Variants in IPO11 observed in about 807,000 individuals in gnomAD.
IPO11 encodes the protein importin 11, also known as importin-11.
A neutral mutation model predicts 143.2 loss-of-function variants in IPO11; 66 were observed. The ratio of observed to expected loss-of-function variants is 0.46; its 90% CI spans 0.38 to 0.57. IPO11 has a LOEUF of 0.57. Ranked by LOEUF, IPO11 falls within the 20% of genes least tolerant of loss-of-function variation. The pLI, the probability that IPO11 is intolerant of heterozygous loss-of-function variation, is 0.00. For missense variants in IPO11, 1,026 were observed against 1,141.0 expected (o/e 0.90, Z 1.45); for synonymous variants, 385 against 377.8 (o/e 1.02, Z -0.22).
intron 1 of IPO11, among the ~76,000 whole-genome samples, chr5:62,427,648 A>G (rs914093263): frequency 6.6e-6 from 1 of 152,220 alleles, no homozygotes; most frequent in Non-Finnish European, 1.5e-5. Flanking sequence ...GCACATGCAA[A>G]GGATCTAGGT....
intron 1 of IPO11, among the ~76,000 whole-genome samples, chr5:62,432,968 A>C (rs1744044289): frequency 6.6e-6 from 1 of 152,176 alleles, no homozygotes; most frequent in South Asian, 2.1e-4. Context: ...ATTAGCAAGT[A>C]ATCTGTGGAG....
intron 5 of IPO11, among the ~76,000 whole-genome samples, chr5:62,456,056 T>A (rs907255211): frequency 6.6e-6 from 1 of 151,592 alleles, no homozygotes; most frequent in African/African-American, 2.4e-5. Flanking sequence ...TGAGAAGGGG[T>A]CTCGCTTTGT....
chr5:62,561,617 A>G (rs957211337), intron 27 of IPO11, among the ~76,000 whole-genome samples: 1 of 152,180 alleles, frequency 6.6e-6, no homozygotes, highest in African/African-American at 2.4e-5. Flanking sequence ...AGCACTTCAT[A>G]AAGTATGTTA....
intron 21 of IPO11, chr5:62,526,686 T>C (rs1169075385): frequency 1.2e-5 from 2 of 160,088 alleles, no homozygotes; most frequent in East Asian, 1.8e-4. Flanking sequence ...CTGAGTAAAT[T>C]AGTAGTATGC....
At chr5:62,536,927 CA>C in intron 23 of IPO11, 146 bp downstream of exon 23, 1 of 1,004,386 alleles carries the variant, frequency 1.0e-6, no homozygotes, top group Non-Finnish European at 1.4e-6. Context: ...TTTCCCATTG[CA>C]GGGCAGATGT....
chr5:62,586,768 A>AAAAAT (rs1554057003), intron 27 of IPO11, among the ~76,000 whole-genome samples: 1 of 28,918 alleles, frequency 3.5e-5, no homozygotes, highest in African/African-American at 1.3e-4. Flanking sequence ...AAAAAAAAAA[A>AAAAAT]ATATATATAT....
At chr5:62,481,802 A>G (rs902001265) in intron 9 of IPO11, among the ~76,000 whole-genome samples, 3 of 152,210 alleles carry the variant, frequency 2.0e-5, no homozygotes, top group South Asian at 2.1e-4. Context: ...TGCTGGCCTC[A>G]TAAAAGGATT....
intron 24 of IPO11, among the ~76,000 whole-genome samples, chr5:62,541,839 G>A (rs1439785739): frequency 1.3e-5 from 2 of 151,850 alleles, no homozygotes; most frequent in African/African-American, 2.4e-5. Context: ...TTTTTGTAAC[G>A]TTTAATATGT....
chr5:62,568,096 G>A (rs1182390728), intron 27 of IPO11, among the ~76,000 whole-genome samples: 1 of 151,758 alleles, frequency 6.6e-6, no homozygotes, highest in East Asian at 2.0e-4. Flanking sequence ...CTCCCAGTTA[G>A]CTGGGACTAC....
chr5:62,566,234 C>G (rs1743934660), intron 27 of IPO11, among the ~76,000 whole-genome samples: 1 of 152,168 alleles, frequency 6.6e-6, no homozygotes, highest in African/African-American at 2.4e-5. Flanking sequence ...AACTAATTTA[C>G]ATTCTCACCA....
chr5:62,505,067 T>C (rs529453829), intron 18 of IPO11, among the ~76,000 whole-genome samples, 169 bp downstream of exon 18: 13 of 152,298 alleles, frequency 8.5e-5, no homozygotes, highest in Admixed American at 8.5e-4. Flanking sequence ...TAAACTGTTT[T>C]GGTAACTTTT....
Position 62,481,770 on chromosome 5 carries a change from C to T in IPO11, c.829-1331C>T, listed in dbSNP as rs144186542. On this transcript the variant is annotated intron_variant, in intron 9 of 29. Coordinates refer to ENST00000325324, the MANE Select transcript of IPO11 (RefSeq NM_016338.5). ...GGTCTCTTTTTTTGTTGTATCTCTG[C>T]GAGGCTTTGGTATCAGGATGATGCT... 4.4e-3 allele frequency among the ~76,000 whole-genome samples: 666 copies of T among 152,190 alleles called. 6 individuals carry two copies. Among genetic ancestry groups the T allele is most frequent in the African/African-American group, 0.015 (642 of 41,490 alleles).
At chr5:62,515,137 T>C (rs183871669) in intron 19 of IPO11, among the ~76,000 whole-genome samples, 32 of 152,332 alleles carry the variant, frequency 2.1e-4, no homozygotes, top group African/African-American at 7.5e-4. Context: ...TGTTTTTTTA[T>C]ATTCATAAAT....
At chr5:62,518,119 A>G (rs781188842) in intron 20 of IPO11, among the ~76,000 whole-genome samples, 4 of 149,624 alleles carry the variant, frequency 2.7e-5, no homozygotes, top group Admixed American at 2.0e-4. Flanking sequence ...CCTGGCCAAC[A>G]TGGTGAAACC....
At chr5:62,526,609 A>T (rs1742377636) in intron 21 of IPO11, 1 of 195,070 alleles carries the variant, frequency 5.1e-6, no homozygotes. Flanking sequence ...CTACTTAACC[A>T]AGTGTTGAGA....
chr5:62,457,429 A>G (rs1476858495), intron 5 of IPO11, among the ~76,000 whole-genome samples: 1 of 152,128 alleles, frequency 6.6e-6, no homozygotes, highest in Non-Finnish European at 1.5e-5. Flanking sequence ...GGCTGTAGTG[A>G]TATATGATTG....
At position 62,445,022 on chromosome 5, in the gene IPO11, T is replaced by C. The variant is rs532932495; in HGVS notation, c.239+1939T>C. On this transcript the variant is annotated intron_variant, in intron 3 of 29. Coordinates refer to ENST00000325324, the MANE Select transcript of IPO11 (RefSeq NM_016338.5). ...ATTAGAACCTAGAATTTAGCTTAAA[T>C]TTAAAAAGTTATGAGATAATTTATA... Among the ~76,000 whole-genome samples, 27 of 152,110 alleles carry C rather than the reference T, an allele frequency of 1.8e-4. 1 individual carries two copies. The South Asian group carries it at 5.6e-3, about 32-fold the overall frequency.
At chr5:62,552,470 T>G (rs974381989) in intron 26 of IPO11, among the ~76,000 whole-genome samples, 5 of 149,874 alleles carry the variant, frequency 3.3e-5, no homozygotes, top group African/African-American at 1.2e-4. Flanking sequence ...TATATATTTT[T>G]TAGTTTTTTT....
At chr5:62,615,277 A>G (rs1047959450) in intron 29 of IPO11, among the ~76,000 whole-genome samples, 50 of 152,298 alleles carry the variant, frequency 3.3e-4, no homozygotes, top group African/African-American at 1.2e-3. Context: ...ACCCCCTCCA[A>G]TAACAAAGAA....
Sources: gnomAD v4.1 joint callset for allele counts (sites outside exome capture counted in the v4.1 genomes callset) on GRCh38, gnomAD v4.1.1 for gene constraint, MANE v1.5 for transcripts, NCBI Gene and HGNC (gene_info 2026-07-23, HGNC 2026-07-21) for gene names.